The following SNX25 variants were observed in gnomAD, a reference collection of about 807,000 sequenced individuals.
SNX25 encodes the protein sorting nexin-25.
Under a neutral mutation model 113.7 loss-of-function variants are expected in SNX25, and 62 were observed. The ratio of observed to expected loss-of-function variants is 0.55; its 90% confidence interval spans 0.44 to 0.67. SNX25 has a LOEUF of 0.67. Among genes scored for constraint, SNX25 ranks in the 30% least tolerant of loss-of-function variants. The pLI is 0.00. For synonymous variants in SNX25, 421 were observed against 436.2 expected, an observed-to-expected ratio of 0.97 and a Z score of 0.43; for missense variants, 1,014 against 1,161.0, an observed-to-expected ratio of 0.87 and a Z score of 1.84.
rs191625314 is a variant in SNX25, at chr4:185,225,125, T to C, written c.429+14870T>C. ...TTTTATATTCTATGTCTTCTTTTTT[T>C]TTTTTTTTTTTGAGATGGAGTCTCG... On this transcript the variant is annotated intron_variant, in intron 1 of 18. Transcript: ENST00000652585. 1.8e-3 allele frequency among the ~76,000 whole-genome samples: 274 copies of C among 150,518 alleles called. 3 individuals are homozygous for C. Among genetic ancestry groups the C allele is most frequent in the African/African-American group, 6.3e-3 (258 of 41,206 alleles).
Position 185,334,036 on chromosome 4 carries a change from CA to C in SNX25, c.1914+1295del, listed in dbSNP as rs34587614. 0.025 allele frequency among the ~76,000 whole-genome samples: 2,632 copies of C among 104,354 alleles called. 108 individuals are homozygous for C. Among genetic ancestry groups the C allele is most frequent in the Admixed American group, 0.14 (1,405 of 10,396 alleles). 68.5% of individuals were successfully genotyped at this position (104,354 alleles called of 152,430 possible). Reference sequence around the variant, plus strand: ...TGCACTCCAGACTGGGCAATAGTCTCAAAAAAAAAAAAAAAAAAGTGGCTAG... The same window carrying C: ...TGCACTCCAGACTGGGCAATAGTCTCAAAAAAAAAAAAAAAAAGTGGCTAG... On this transcript the variant is annotated intron_variant, in intron 10 of 18. Transcript: ENST00000652585. The surrounding 1 kb of genome is among the most constrained non-coding windows in gnomAD (Gnocchi z 4.2).
At chr4:185,323,906 T>C (rs2095137966) in intron 9 of SNX25, 106 bp downstream of exon 9, 4 of 1,170,974 alleles carry the variant, frequency 3.4e-6, no homozygotes, top group Non-Finnish European at 4.9e-6. Flanking sequence ...CTTCATCTTT[T>C]AATATACAGG....
intron 10 of SNX25, among the ~76,000 whole-genome samples, chr4:185,333,161 T>C (rs2095207380): frequency 6.6e-6 from 1 of 152,254 alleles, no homozygotes; most frequent in Non-Finnish European, 1.5e-5. Context: ...AGGAAATACA[T>C]TGTTTTGCTA....
chr4:185,327,931 TAA>T (rs1401246362), intron 9 of SNX25, among the ~76,000 whole-genome samples: 7 of 152,214 alleles, frequency 4.6e-5, no homozygotes, highest in Admixed American at 4.6e-4. Flanking sequence ...GCTTGATCGA[TAA>T]ATGCAAACAA....
downstream of SNX25, chr4:185,366,878 G>T: frequency 4.9e-6 from 1 of 202,092 alleles, no homozygotes; most frequent in Non-Finnish European, 9.9e-6. Context: ...GAGACTCGGT[G>T]TTTAAGAAAG....
At chr4:185,370,998 C>T, downstream of SNX25, 1 of 563,550 alleles carries the variant, frequency 1.8e-6, no homozygotes. Flanking sequence ...GATGAGCTTC[C>T]CAGAGTGGTG....
intron 1 of SNX25, among the ~76,000 whole-genome samples, chr4:185,243,550 C>A (rs1744383761): frequency 6.6e-6 from 1 of 152,080 alleles, no homozygotes; most frequent in Non-Finnish European, 1.5e-5. Context: ...TACAGTGAGC[C>A]AAGATTGCAC....
chr4:185,289,355 G>A (rs1048251369), intron 6 of SNX25, among the ~76,000 whole-genome samples: 1 of 152,190 alleles, frequency 6.6e-6, no homozygotes, highest in Non-Finnish European at 1.5e-5. Context: ...GGGAGTGCTG[G>A]TTCTGCTGCA....
intron 5 of SNX25, among the ~76,000 whole-genome samples, chr4:185,287,098 G>C (rs1579627062): frequency 6.6e-6 from 1 of 152,300 alleles, no homozygotes; most frequent in East Asian, 1.9e-4. Context: ...AAACCACTTT[G>C]ATTAGGGCAA....
intron 11 of SNX25, among the ~76,000 whole-genome samples, chr4:185,340,433 T>C (rs2095254081): frequency 6.6e-6 from 1 of 152,150 alleles, no homozygotes; most frequent in African/African-American, 2.4e-5. Flanking sequence ...CACTTGCTGG[T>C]GCTCCCATTA....
At chr4:185,217,705 C>T (rs1442846026) in intron 1 of SNX25, among the ~76,000 whole-genome samples, 2 of 152,026 alleles carry the variant, frequency 1.3e-5, no homozygotes, top group Non-Finnish European at 2.9e-5. Flanking sequence ...TAGGAAGTGC[C>T]CTAGATTCCT....
At chr4:185,353,444 G>A (rs772954611) in intron 14 of SNX25, 41 bp from the exon 15 acceptor site, 1 of 1,493,554 alleles carries the variant, frequency 6.7e-7, no homozygotes, top group Non-Finnish European at 9.3e-7. Context: ...CAATTTTCTT[G>A]GATAAGTTAT....
At chr4:185,253,277 T>C (rs925730801) in intron 2 of SNX25, among the ~76,000 whole-genome samples, 26 of 152,140 alleles carry the variant, frequency 1.7e-4, no homozygotes, top group African/African-American at 4.8e-4. Context: ...TTTCAAGACC[T>C]TGGGGATGCT....
At chr4:185,309,204 G>T (rs986588918) in intron 6 of SNX25, among the ~76,000 whole-genome samples, 2 of 152,154 alleles carry the variant, frequency 1.3e-5, no homozygotes, top group Non-Finnish European at 2.9e-5. Context: ...ATCTCTCCAA[G>T]GACTGATGGC....
upstream of SNX25, among the ~76,000 whole-genome samples, chr4:185,207,074 A>T (rs1737218480): frequency 6.6e-6 from 1 of 152,132 alleles, no homozygotes; most frequent in African/African-American, 2.4e-5. Flanking sequence ...GGTTGCCCAC[A>T]TCAAGGGTGG....
At chr4:185,211,482 A>G (rs969146346) in intron 1 of SNX25, among the ~76,000 whole-genome samples, 2 of 152,156 alleles carry the variant, frequency 1.3e-5, no homozygotes, top group African/African-American at 4.8e-5. Context: ...TTTTTCTACC[A>G]TGGCAAGTAA....
chr4:185,208,009 T>C (rs1313087820), upstream of SNX25, among the ~76,000 whole-genome samples: 1 of 152,228 alleles, frequency 6.6e-6, no homozygotes, highest in African/African-American at 2.4e-5. Context: ...TTGAATAATT[T>C]GGGTTGGTAG....
chr4:185,304,904 C>T lies in SNX25; in HGVS notation c.1163-5731C>T, dbSNP rs147837745. 6.2e-3 allele frequency among the ~76,000 whole-genome samples: 943 copies of T among 152,226 alleles called. 17 individuals carry two copies. Among genetic ancestry groups the T allele is most frequent in the South Asian group, 0.049 (238 of 4,816 alleles). ...GGGAGGAAGTCTCTATTCCATATGT[C>T]GATTGCCTGCATTTCACGAGAAGAC... On this transcript the variant is annotated intron_variant, in intron 6 of 18. Transcript: ENST00000652585.
At chr4:185,246,142 G>A (rs994108397) in intron 1 of SNX25, among the ~76,000 whole-genome samples, 2 of 152,158 alleles carry the variant, frequency 1.3e-5, no homozygotes, top group Non-Finnish European at 2.9e-5. Flanking sequence ...AAAATTAGCT[G>A]GGTGTGGTGT....
Sources: allele counts gnomAD v4.1 joint callset (sites outside exome capture counted in the v4.1 genomes callset), GRCh38; gene constraint gnomAD v4.1.1; non-coding constraint Gnocchi (gnomAD v3.1); transcripts MANE v1.5; gene names NCBI Gene and HGNC (gene_info 2026-07-23, HGNC 2026-07-21).